Variants in ARHGAP21 observed in about 807,000 individuals in gnomAD.
The protein encoded by ARHGAP21 is rho GTPase-activating protein 21.
ARHGAP21 carries 38 observed loss-of-function variants against 164.6 expected under a neutral mutation model. The ratio of observed to expected loss-of-function variants is 0.23; its 90% CI spans 0.18 to 0.30. The LOEUF is 0.30. Among genes scored for constraint, ARHGAP21 ranks in the 10% least tolerant of loss-of-function variants. The pLI is 1.00. For missense variants in ARHGAP21, 1,822 were observed against 2,370.7 expected, an observed-to-expected ratio of 0.77 and a Z score of 4.81; for synonymous variants, 766 against 857.9, an observed-to-expected ratio of 0.89 and a Z score of 1.87.
At position 24,617,439 on chromosome 10, in the gene ARHGAP21, T is replaced by G. The variant is rs182412081; in HGVS notation, c.2422+2034A>C. Among the ~76,000 whole-genome samples the G allele has an allele frequency of 5.5e-3, 842 of 152,264 alleles. 7 individuals are homozygous for G. The highest frequency in any genetic ancestry group is 8.4e-3 in the Non-Finnish European group (574 of 68,020). The stretch of plus-strand genomic sequence containing the variant: ...ATTTTAAAACTTCATAAAACAATCA[T>G]TCGTCATCAGTTGCCTTCTATAAAA... On this transcript the variant is annotated intron_variant, in intron 9 of 25. Coordinates refer to ENST00000396432, the MANE Select transcript of ARHGAP21 (RefSeq NM_020824.4).
At chr10:24,594,908 A>C in intron 21 of ARHGAP21, 42 bp downstream of exon 21, 1 of 1,485,698 alleles carries the variant, frequency 6.7e-7, no homozygotes, top group Non-Finnish European at 9.3e-7. Context: ...TTTTAAACTA[A>C]AGCCACTAAA....
intron 4 of ARHGAP21, among the ~76,000 whole-genome samples, chr10:24,652,069 C>T (rs1838229756): frequency 6.6e-6 from 1 of 152,188 alleles, no homozygotes; most frequent in Non-Finnish European, 1.5e-5. Flanking sequence ...GGGACACATG[C>T]AATCTCCGTC....
chr10:24,672,845 G>A lies in ARHGAP21; in HGVS notation c.64-2448C>T, dbSNP rs76463719. Among the ~76,000 whole-genome samples the A allele has an allele frequency of 1.9e-4, 29 of 151,454 alleles. 1 individual carries two copies. In the East Asian group the frequency reaches 5.2e-3, roughly 27 times the overall value. On this transcript the variant is annotated intron_variant, in intron 2 of 25. Transcript: ENST00000396432. ...GAGTTCTAGTAAATGGAATGTTAAT[G>A]AAAGTAATAATACAGTATACCAAAA...
intron 17 of ARHGAP21, 157 bp from the exon 18 acceptor site, chr10:24,596,200 C>T: frequency 3.3e-6 from 2 of 605,018 alleles, no homozygotes; most frequent in Admixed American, 3.6e-5. Flanking sequence ...TAGATAAAAC[C>T]TGCAAGAGAT....
chr10:24,692,092 G>A (rs1842802178), intron 2 of ARHGAP21, among the ~76,000 whole-genome samples: 1 of 152,212 alleles, frequency 6.6e-6, no homozygotes, highest in Non-Finnish European at 1.5e-5. Flanking sequence ...TAGTGCAGGT[G>A]TTCAGATTTT....
chr10:24,703,573 C>T (rs1413117718), intron 2 of ARHGAP21, among the ~76,000 whole-genome samples: 1 of 152,162 alleles, frequency 6.6e-6, no homozygotes, highest in Non-Finnish European at 1.5e-5. Context: ...TAACACTATA[C>T]TGCCTCCATA....
At chr10:24,711,970 G>C (rs1194003951) in intron 2 of ARHGAP21, among the ~76,000 whole-genome samples, 3 of 151,984 alleles carry the variant, frequency 2.0e-5, no homozygotes, top group African/African-American at 7.3e-5. Flanking sequence ...CTGGAGTGCA[G>C]TGGCTCCATC....
chr10:24,586,448 ACTTC>A (rs1375337056), intron 25 of ARHGAP21, among the ~76,000 whole-genome samples: 1 of 152,112 alleles, frequency 6.6e-6, no homozygotes, highest in Non-Finnish European at 1.5e-5. Context: ...GGCATTCTTC[ACTTC>A]CTTCATTTGG....
intron 4 of ARHGAP21, among the ~76,000 whole-genome samples, chr10:24,635,401 G>GT (rs1206759303): frequency 6.6e-6 from 1 of 152,142 alleles, no homozygotes; most frequent in Non-Finnish European, 1.5e-5. Context: ...TCCACAGCAA[G>GT]TAAGTACTAC....
chr10:24,602,156 A>G lies in ARHGAP21; in HGVS notation c.2722-53T>C, dbSNP rs2076839419. On this transcript the variant is annotated intron_variant, in intron 12 of 25. Coordinates refer to ENST00000396432, the MANE Select transcript of ARHGAP21 (RefSeq NM_020824.4). ...AATGTCAGCATTTTCCTTTATAAAT[A>G]TTTGCACATGGAAACTGCTTTGTGG... 2.6e-6 allele frequency: 4 copies of G among 1,559,984 alleles called. 1 individual carries two copies. The South Asian group carries it at 5.0e-5, about 20-fold the overall frequency.
intron 2 of ARHGAP21, among the ~76,000 whole-genome samples, chr10:24,703,133 C>T (rs1225354618): frequency 6.6e-6 from 1 of 151,896 alleles, no homozygotes; most frequent in Non-Finnish European, 1.5e-5. Context: ...AAACTAGACA[C>T]ACTGGGTGAA....
At chr10:24,652,780 A>G (rs1335448950) in intron 4 of ARHGAP21, among the ~76,000 whole-genome samples, 1 of 152,202 alleles carries the variant, frequency 6.6e-6, no homozygotes, top group South Asian at 2.1e-4. Context: ...GTCAGTGAGG[A>G]TACAGAGCAA....
Position 24,619,602 on chromosome 10 carries a change from T to C in ARHGAP21, c.2293A>G (p.Thr765Ala). ...SYILAVNDQE[T>A]GSDTTCWLPN... ...AGCCAGCAGGTAGTGTCTGACCCGGTCTCCTGGTCATTTACTGCCAAGATG... is the reference window on the plus strand; with the variant it reads ...AGCCAGCAGGTAGTGTCTGACCCGGCCTCCTGGTCATTTACTGCCAAGATG... Residue 765 changes from threonine (T) to alanine (A), a missense_variant, in exon 9 of 26, where the codon ACC becomes GCC. Around this residue, in one of 5 missense-constraint regions of ARHGAP21, gnomAD observed 1,090 missense variants for 1,378.9 expected, o/e 0.79. Coordinates refer to ENST00000396432, the MANE Select transcript of ARHGAP21 (RefSeq NM_020824.4). The C allele has an allele frequency of 6.2e-7, 1 of 1,614,164 alleles. No individual in the cohort carries two copies. Among genetic ancestry groups the C allele is most frequent in the East Asian group, 2.2e-5 (1 of 44,864 alleles).
intron 11 of ARHGAP21, 110 bp downstream of exon 11, chr10:24,607,389 T>C: frequency 1.1e-6 from 1 of 901,100 alleles, no homozygotes; most frequent in South Asian, 1.8e-5. Flanking sequence ...GCATTTCTAA[T>C]GTCAAAGTTA....
chr10:24,616,225 T>TA, intron 9 of ARHGAP21, among the ~76,000 whole-genome samples: 1 of 152,338 alleles, frequency 6.6e-6, no homozygotes, highest in Admixed American at 6.5e-5. Context: ...TGATTTCTCT[T>TA]TATAAAAGAT....
At position 24,599,337 on chromosome 10, in the gene ARHGAP21, T is replaced by C. The variant is rs113900962; in HGVS notation, c.3132+1309A>G. Among the ~76,000 whole-genome samples, 969 of 152,280 alleles carry C rather than the reference T, an allele frequency of 6.4e-3. 10 individuals carry two copies. The highest frequency in any genetic ancestry group is 0.024 in the Middle Eastern group (7 of 294). ...CACATCTAAGTTCTTATTCTCCCTG[T>C]TTATTTTGCAAAAATTCAGGTCTGA... is the stretch of plus-strand genomic sequence containing the variant. On this transcript the variant is annotated intron_variant, in intron 14 of 25. Transcript: ENST00000396432.
At chr10:24,591,044 TAG>T (rs2076307061) in intron 24 of ARHGAP21, 179 bp downstream of exon 24, 1 of 566,552 alleles carries the variant, frequency 1.8e-6, no homozygotes, top group Non-Finnish European at 2.2e-6. Context: ...CCAATGGCAT[TAG>T]AGTCACTGGA....
rs1368328671 is a variant in ARHGAP21 at position 24,583,628 on chromosome 10, T to TTTTA, written c.*780_*783dup. On this transcript the variant is annotated 3_prime_UTR_variant, in exon 26 of 26. Transcript: ENST00000396432. ...GCCATGCAAAATTCACCAAAACAATTTTTATTTCCAGTGTTTAATTGGGTA... is the reference window on the plus strand; with the variant it reads ...GCCATGCAAAATTCACCAAAACAATTTTTATTTATTTCCAGTGTTTAATTGGGTA... 1.3e-5 allele frequency: 2 copies of TTTTA among 152,634 alleles called. No homozygotes were observed. The highest frequency in any genetic ancestry group is 2.9e-5 in the Non-Finnish European group (2 of 68,030). 9.5% of individuals were successfully genotyped at this position (152,634 alleles called of 1,614,324 possible).
At chr10:24,602,884 A>G (rs1448643726) in intron 12 of ARHGAP21, among the ~76,000 whole-genome samples, 3 of 152,216 alleles carry the variant, frequency 2.0e-5, no homozygotes, top group Admixed American at 2.0e-4. Context: ...AAAGTGAAAA[A>G]GAAGAAACAA....
Sources: allele counts gnomAD v4.1 joint callset (sites outside exome capture counted in the v4.1 genomes callset), GRCh38; gene constraint gnomAD v4.1.1; regional missense constraint gnomAD v4.1.1; transcripts MANE v1.5; gene names NCBI Gene and HGNC (gene_info 2026-07-23, HGNC 2026-07-21).